The following TMCC3 variants were observed in gnomAD, a reference collection of about 807,000 sequenced individuals.
TMCC3 encodes the protein transmembrane and coiled-coil domain protein 3.
TMCC3 carries 28 observed loss-of-function variants against 40.2 expected under a neutral mutation model. That is an observed-to-expected ratio of 0.70 (90% CI 0.52 to 0.95). The LOEUF is 0.95. TMCC3 is among the 40% of genes least tolerant of loss of function. The pLI is 0.00. For missense variants in TMCC3, 554 were observed against 615.2 expected (o/e 0.90, Z 1.05); for synonymous variants, 255 against 248.5 (o/e 1.03, Z -0.25).
At chr12:94,577,281 C>T (rs1470505107) in intron 3 of TMCC3, among the ~76,000 whole-genome samples, 2 of 152,094 alleles carry the variant, frequency 1.3e-5, no homozygotes, top group African/African-American at 2.4e-5. Flanking sequence ...CTCTGCCTCC[C>T]GGATTCAAGC....
intron 1 of TMCC3, among the ~76,000 whole-genome samples, chr12:94,622,622 C>A (rs1190857402): frequency 2.0e-5 from 3 of 150,802 alleles, no homozygotes; most frequent in African/African-American, 7.5e-5. Flanking sequence ...GTCCAGGGCA[C>A]ATGTGATCCA....
At chr12:94,625,171 C>G in intron 1 of TMCC3, among the ~76,000 whole-genome samples, 1 of 147,742 alleles carries the variant, frequency 6.8e-6, no homozygotes, top group South Asian at 2.1e-4. Context: ...TTTTTTTTTA[C>G]AGAGGTTTGA....
intron 1 of TMCC3, among the ~76,000 whole-genome samples, chr12:94,606,370 CT>C (rs11361924): frequency 0.23 from 31,916 of 141,432 alleles, 3,569 homozygotes; most frequent in Non-Finnish European, 0.24. Flanking sequence ...TTTTCTTATT[CT>C]TTTTTTTTTT....
At chr12:94,637,667 A>C (rs2068967486) in intron 1 of TMCC3, among the ~76,000 whole-genome samples, 1 of 152,216 alleles carries the variant, frequency 6.6e-6, no homozygotes, top group Non-Finnish European at 1.5e-5. Context: ...CATATTCCTC[A>C]CATGTGCAAA....
intron 1 of TMCC3, among the ~76,000 whole-genome samples, chr12:94,646,675 G>A (rs1465154779): frequency 2.6e-5 from 4 of 151,026 alleles, no homozygotes; most frequent in African/African-American, 9.7e-5. Flanking sequence ...CTGACCTCAG[G>A]TGATCCACCT....
chr12:94,635,605 C>T (rs1423033852), intron 1 of TMCC3, among the ~76,000 whole-genome samples: 1 of 145,892 alleles, frequency 6.9e-6, no homozygotes, highest in Non-Finnish European at 1.5e-5. Flanking sequence ...GCCTTTTGGT[C>T]TTTCCTTACT....
chr12:94,643,906 G>A (rs2069004255), intron 1 of TMCC3, among the ~76,000 whole-genome samples: 1 of 152,244 alleles, frequency 6.6e-6, no homozygotes. Context: ...AGATCTTAGA[G>A]AAACTAATAA....
chr12:94,631,158 C>T (rs919765363), intron 1 of TMCC3, among the ~76,000 whole-genome samples: 1 of 152,184 alleles, frequency 6.6e-6, no homozygotes, highest in Non-Finnish European at 1.5e-5. Context: ...AGTTCTTCCT[C>T]ATCTTTTTAA....
intron 1 of TMCC3, among the ~76,000 whole-genome samples, chr12:94,601,011 C>T (rs1166601223): frequency 1.3e-5 from 2 of 152,066 alleles, no homozygotes; most frequent in Admixed American, 1.3e-4. Flanking sequence ...ACATGTTTAC[C>T]AATATATACA....
At chr12:94,646,266 G>A (rs1301194643) in intron 1 of TMCC3, among the ~76,000 whole-genome samples, 1 of 152,052 alleles carries the variant, frequency 6.6e-6, no homozygotes, top group Non-Finnish European at 1.5e-5. Flanking sequence ...AGAGATGGGG[G>A]AGGGCAGGCA....
chr12:94,588,894 G>A (rs1566318539), intron 1 of TMCC3, among the ~76,000 whole-genome samples: 1 of 151,178 alleles, frequency 6.6e-6, no homozygotes, highest in Non-Finnish European at 1.5e-5. Flanking sequence ...TGCAATCTCG[G>A]CTCACTGCAA....
chr12:94,580,224 GA>G (rs1267340445), intron 2 of TMCC3, among the ~76,000 whole-genome samples: 1 of 151,896 alleles, frequency 6.6e-6, no homozygotes, highest in African/African-American at 2.4e-5. Context: ...CTCTTTATTG[GA>G]AAAAATGGGG....
chr12:94,634,442 G>A lies in TMCC3; in HGVS notation c.78+15911C>T, dbSNP rs772628707. 7.2e-5 allele frequency among the ~76,000 whole-genome samples: 11 copies of A among 152,044 alleles called. No individual in the cohort carries two copies. In the South Asian group the frequency reaches 1.0e-3, roughly 14 times the overall value. On this transcript the variant is annotated intron_variant, in intron 1 of 3. Coordinates refer to ENST00000261226, the MANE Select transcript of TMCC3 (RefSeq NM_020698.4). The stretch of plus-strand genomic sequence containing the variant: ...TAAAAAAAAAAAGTCTGTTGGAATG[G>A]TAGGCTCACTTTGCAAAACTGTCCT...
chr12:94,641,272 AG>A, intron 1 of TMCC3, among the ~76,000 whole-genome samples: 1 of 152,258 alleles, frequency 6.6e-6, no homozygotes, highest in Non-Finnish European at 1.5e-5. Context: ...GGAGCAGCTC[AG>A]GCATCTGGTT....
intron 1 of TMCC3, among the ~76,000 whole-genome samples, chr12:94,603,671 G>C (rs1327082061): frequency 2.6e-5 from 4 of 152,034 alleles, no homozygotes; most frequent in Non-Finnish European, 1.5e-5. Context: ...GGAGCACTGG[G>C]GTGCTAACAA....
chr12:94,631,765 CA>C (rs1054703369), intron 1 of TMCC3, among the ~76,000 whole-genome samples: 1 of 152,096 alleles, frequency 6.6e-6, no homozygotes. Context: ...TCTGAAGTAA[CA>C]AAACAACATT....
intron 1 of TMCC3, among the ~76,000 whole-genome samples, chr12:94,626,017 C>T (rs2068902578): frequency 6.6e-6 from 1 of 152,142 alleles, no homozygotes; most frequent in South Asian, 2.1e-4. Context: ...AATTGACTCA[C>T]AGTTCCGCAT....
chr12:94,585,513 G>A (rs1252741071), intron 1 of TMCC3, among the ~76,000 whole-genome samples: 6 of 151,874 alleles, frequency 4.0e-5, no homozygotes, highest in Non-Finnish European at 5.9e-5. Flanking sequence ...TGGCTAATAC[G>A]GTGAAACCCT....
intron 1 of TMCC3, among the ~76,000 whole-genome samples, chr12:94,639,148 TA>T (rs2068975818): frequency 6.6e-6 from 1 of 152,194 alleles, no homozygotes; most frequent in African/African-American, 2.4e-5. Context: ...GTCAGAAGAC[TA>T]AAGAGGAAAT....
Sources: gnomAD v4.1 joint callset for allele counts (sites outside exome capture counted in the v4.1 genomes callset) on GRCh38, gnomAD v4.1.1 for gene constraint, MANE v1.5 for transcripts, NCBI Gene and HGNC (gene_info 2026-07-23, HGNC 2026-07-21) for gene names.